Variants in MEFV observed in about 807,000 individuals in gnomAD.
MEFV encodes pyrin.
A neutral mutation model predicts 62.5 loss-of-function variants in MEFV; 60 were observed. That is an observed-to-expected ratio of 0.96 (90% CI 0.78 to 1.19). The LOEUF (loss-of-function observed/expected upper bound fraction) is 1.19, where lower values mean the gene tolerates loss of function less well. MEFV is among the 50% of genes most tolerant of loss of function. The probability of loss-of-function intolerance (pLI) is 0.00; values close to 1 mark genes in which losing one functional copy is unlikely to be tolerated. For synonymous variants in MEFV, 500 were observed against 415.2 expected (o/e 1.20, Z -2.48); for missense variants, 1,169 against 1,004.5 (o/e 1.16, Z -2.21).
Position 3,254,435 on chromosome 16 carries a change from C to T in MEFV, c.633G>A (p.Gly211=), listed in dbSNP as rs367595631. The T allele has an allele frequency of 5.6e-6, 9 of 1,611,000 alleles. No individual in the cohort carries two copies. Among genetic ancestry groups the T allele is most frequent in the Middle Eastern group, 1.7e-4 (1 of 5,926 alleles). The part of the protein sequence containing the change: ...VRLRRNASSA[G]RLQGLAGGAP... ...CGCCCCCCGCCAGCCCCTGCAGCCT[C>T]CCCGCGGAGCTGGCGTTTCTGCGCA... Residue 211 remains glycine (G), a synonymous_variant, in exon 2 of 10, where the codon GGG becomes GGA. Transcript: ENST00000219596.
chr16:3,254,463 C>G lies in MEFV; in HGVS notation c.605G>C (p.Arg202Pro). 2.5e-6 allele frequency: 4 copies of G among 1,603,000 alleles called. No homozygotes were observed. The highest frequency in any genetic ancestry group is 3.4e-6 in the Non-Finnish European group (4 of 1,175,320). ...RALEGGQAEV[R>P]LRRNASSAGR... is the part of the protein sequence containing the mutation. The stretch of plus-strand genomic sequence containing the variant: ...CGCGGAGCTGGCGTTTCTGCGCAGC[C>G]GGACCTCGGCCTGGCCCCCCTCTAG... The change falls in exon 2 of 10, where the codon CGG becomes CCG. Residue 202 changes from arginine (R) to proline (P), a missense_variant. Physicochemically the swap from Arg to Pro is moderately radical, Grantham distance 103 (BLOSUM62 -2). Transcript: ENST00000219596.
intron 2 of MEFV, chr16:3,251,902 A>C (rs1026056090): frequency 2.5e-5 from 7 of 278,984 alleles, no homozygotes; most frequent in Non-Finnish European, 7.7e-6. Context: ...CCTAGAAGAC[A>C]CCCAGGAATC....
At chr16:3,248,785 T>C in intron 4 of MEFV, 124 bp downstream of exon 4, 1 of 1,591,226 alleles carries the variant, frequency 6.3e-7, no homozygotes, top group South Asian at 1.1e-5. Context: ...TTACCCTCTG[T>C]CCCCTGAGAG....
intron 9 of MEFV, 44 bp from the exon 10 acceptor site, chr16:3,243,738 C>T (rs769703015): frequency 1.7e-5 from 27 of 1,611,040 alleles, no homozygotes; most frequent in African/African-American, 2.7e-5. Flanking sequence ...CCATGGGCAA[C>T]ATCCCTACAG....
chr16:3,252,170 C>G (rs950464094), intron 2 of MEFV: 3 of 181,584 alleles, frequency 1.7e-5, no homozygotes, highest in Non-Finnish European at 2.4e-5. Flanking sequence ...ATCCCAGGGT[C>G]CTTTCTCACT....
At chr16:3,251,471 T>TG (rs1045583575) in intron 2 of MEFV, among the ~76,000 whole-genome samples, 1 of 152,234 alleles carries the variant, frequency 6.6e-6, no homozygotes, top group African/African-American at 2.4e-5. Flanking sequence ...CCCAGGGTCC[T>TG]GGCCCACGGA....
chr16:3,244,679 G>C (rs1958912820), intron 6 of MEFV, 91 bp from the exon 7 acceptor site: 3 of 912,648 alleles, frequency 3.3e-6, no homozygotes, highest in Non-Finnish European at 3.6e-6. Context: ...TTCTCCACAG[G>C]GCACACCTAG....
rs1202464357 is a variant in MEFV at position 3,243,297 on chromosome 16, G to T, written c.2190C>A (p.Ser730=). 6.2e-7 allele frequency: 1 copy of T among 1,614,206 alleles called. No individual in the cohort carries two copies. Among genetic ancestry groups the T allele is most frequent in the Admixed American group, 1.7e-5 (1 of 60,024 alleles). ...GGGATCTGGCTGTCACATTGTAAAA[G>T]GAGATGCTTCCAACTCTGTAGTCCA... The part of the protein sequence containing the change: ...IFVDYRVGSI[S]FYNVTARSHI... Residue 730 remains serine, a synonymous_variant, in exon 10 of 10, where the codon TCC becomes TCA. Coordinates refer to ENST00000219596, the MANE Select transcript of MEFV (RefSeq NM_000243.3).
chr16:3,244,526 T>C lies in MEFV; in HGVS notation c.1673A>G (p.Gln558Arg). Residue 558 changes from glutamine to arginine, a missense_variant, in exon 7 of 10, where the codon CAA becomes CGA. Coordinates refer to ENST00000219596, the MANE Select transcript of MEFV (RefSeq NM_000243.3). ...AAACTCTGACTTCTGGTGGAGGAGT[T>C]GGATCTTTTGTTTTATCTCTTGAGG... ...TTPQEIKQKI[Q>R]LLHQKSEFVE... The C allele has an allele frequency of 6.2e-7, 1 of 1,614,200 alleles. No individual in the cohort carries two copies. The highest frequency in any genetic ancestry group is 8.5e-7 in the Non-Finnish European group (1 of 1,180,038).
At position 3,256,361 on chromosome 16, in the gene MEFV, G is replaced by GC; in HGVS notation, c.226dup (p.Ala76GlyfsTer28). On this transcript the variant is annotated frameshift_variant, in exon 1 of 10. Transcript: ENST00000219596. LOFTEE classifies it high-confidence loss of function. ...CTCGGCCAGCAGGCGCTGGTTGATGGCCCGCAGGACCTGCAGGGTGAGCTG... is the reference window on the plus strand; with the variant it reads ...CTCGGCCAGCAGGCGCTGGTTGATGGCCCCGCAGGACCTGCAGGGTGAGCTG... 5 of 1,614,024 alleles carry GC rather than the reference G, an allele frequency of 3.1e-6. No homozygotes were observed. Among genetic ancestry groups the GC allele is most frequent in the Non-Finnish European group, 4.2e-6 (5 of 1,180,032 alleles).
chr16:3,244,713 A>G (rs1046449978), intron 6 of MEFV, 125 bp from the exon 7 acceptor site: 27 of 767,438 alleles, frequency 3.5e-5, no homozygotes, highest in Non-Finnish European at 6.1e-5. Context: ...ACACAAAGAA[A>G]AGTCTTCCCT....
At chr16:3,250,385 G>A (rs537908107) in intron 2 of MEFV, among the ~76,000 whole-genome samples, 1 of 152,266 alleles carries the variant, frequency 6.6e-6, no homozygotes, top group African/African-American at 2.4e-5. Context: ...AAGGTGGGAG[G>A]ACTGCTTAAG....
rs756665512 is a variant in MEFV at position 3,256,358 on chromosome 16, A to G, written c.230T>C (p.Ile77Thr). The G allele has an allele frequency of 8.7e-6, 14 of 1,613,988 alleles. No homozygotes were observed. The highest frequency in any genetic ancestry group is 1.2e-5 in the Non-Finnish European group (14 of 1,180,026). Residue 77 changes from isoleucine to threonine, a missense_variant, in exon 1 of 10, where the codon ATC becomes ACC. Transcript: ENST00000219596. ...CTCCTCGGCCAGCAGGCGCTGGTTGATGGCCCGCAGGACCTGCAGGGTGAG... is the reference window on the plus strand; with the variant it reads ...CTCCTCGGCCAGCAGGCGCTGGTTGGTGGCCCGCAGGACCTGCAGGGTGAG... Reference protein sequence around the residue: ...VQLTLQVLRAINQRLLAEELH... With the variant: ...VQLTLQVLRATNQRLLAEELH...
chr16:3,250,213 C>T (rs540140881), intron 2 of MEFV, among the ~76,000 whole-genome samples: 1 of 152,262 alleles, frequency 6.6e-6, no homozygotes, highest in South Asian at 2.1e-4. Context: ...TGGATCCCAG[C>T]CCCTAGCAGA....
At chr16:3,254,939 C>A in intron 1 of MEFV, 149 bp from the exon 2 acceptor site, 1 of 1,336,062 alleles carries the variant, frequency 7.5e-7, no homozygotes, top group Non-Finnish European at 1.0e-6. Flanking sequence ...GCCTGTATTC[C>A]CGGCACTCTG....
rs763886984 is a variant in MEFV, at chr16:3,243,335, C to T, written c.2152G>A (p.Val718Met). ...ACTCTGTAGTCCACGAAGATGCCCA[C>T]ACGCTTGGGAGGCTCCTTTATTAGC... is the stretch of plus-strand genomic sequence containing the variant. ...RLLIKEPPKR[V>M]GIFVDYRVGS... The change falls in exon 10 of 10, where the codon GTG becomes ATG. Residue 718 changes from valine to methionine, a missense_variant. Val to Met is a conservative substitution (Grantham distance 21, BLOSUM62 1). Transcript: ENST00000219596. 2 of 1,614,222 alleles carry T rather than the reference C, an allele frequency of 1.2e-6. No individual in the cohort carries two copies. Among genetic ancestry groups the T allele is most frequent in the South Asian group, 1.1e-5 (1 of 91,084 alleles).
At position 3,254,933 on chromosome 16, in the gene MEFV, G is replaced by C. The variant is rs2141677981; in HGVS notation, c.278-143C>G. The C allele has an allele frequency of 2.2e-6, 3 of 1,368,538 alleles. No homozygotes were observed. The South Asian group carries it at 3.7e-5, about 17-fold the overall frequency. 84.8% of individuals were successfully genotyped at this position (1,368,538 alleles called of 1,614,324 possible). A position where few individuals can be genotyped will look rare whatever the true frequency, so the allele number is the denominator to read the frequency against. ...GGGCCGGGCGCGGTGGCTCATGCCT[G>C]TATTCCCGGCACTCTGGGAGGCCGA... On this transcript the variant is annotated intron_variant, in intron 1 of 9. Transcript: ENST00000219596.
At chr16:3,248,576 C>G in intron 4 of MEFV, 1 of 425,452 alleles carries the variant, frequency 2.4e-6, no homozygotes, top group Admixed American at 4.0e-5. Context: ...GGTGACAGAG[C>G]GAGACTCCGT....
intron 2 of MEFV, chr16:3,251,962 A>G: frequency 2.3e-6 from 1 of 427,744 alleles, no homozygotes; most frequent in Admixed American, 2.4e-5. Context: ...CACACCTGTA[A>G]TCCCAGCAGT....
Sources: gnomAD v4.1 joint callset for allele counts (sites outside exome capture counted in the v4.1 genomes callset) on GRCh38, gnomAD v4.1.1 for gene constraint, MANE v1.5 for transcripts, NCBI Gene and HGNC (gene_info 2026-07-23, HGNC 2026-07-21) for gene names.